RBFOX1: variants seen among roughly 807,000 people sequenced by gnomAD.
RBFOX1 encodes the protein RNA binding fox-1 homolog 1.
RBFOX1 carries 8 observed loss-of-function variants against 57.7 expected under a neutral mutation model. The observed-to-expected ratio is 0.14, with a 90% CI of 0.08 to 0.25. RBFOX1 has a LOEUF of 0.25. RBFOX1 is among the 10% of genes least tolerant of loss of function. The pLI is 1.00. For synonymous variants in RBFOX1, 326 were observed against 222.4 expected, an observed-to-expected ratio of 1.47 and a Z score of -4.15; for missense variants, 611 against 548.5, an observed-to-expected ratio of 1.11 and a Z score of -1.14.
chr16:7,029,079 TATACACACACACACACAC>T lies in RBFOX1; in HGVS notation c.-15-22976_-15-22959del, dbSNP rs1280568943. ...ATATATATATATATATATATATATA[TATACACACACACACACAC>T]ACACACACACACACACACACACACA... On this transcript the variant is annotated intron_variant, in intron 3 of 15. Coordinates refer to ENST00000550418, the MANE Select transcript of RBFOX1 (RefSeq NM_018723.4). Among the ~76,000 whole-genome samples the T allele has an allele frequency of 2.4e-4, 9 of 36,988 alleles. 2 individuals are homozygous for T. The African/African-American group carries it at 2.6e-3, about 11-fold the overall frequency. The allele number at this position is 36,988 out of a possible 152,430, so 24.3% of individuals were successfully genotyped here.
chr16:5,639,043 G>C (rs2048775964), intron 3 of RBFOX1, among the ~76,000 whole-genome samples: 1 of 152,280 alleles, frequency 6.6e-6, no homozygotes, highest in East Asian at 1.9e-4. Flanking sequence ...CTTTACTCTT[G>C]TCCTCTTCAC....
At chr16:6,767,849 G>C (rs2077558435) in intron 3 of RBFOX1, among the ~76,000 whole-genome samples, 2 of 151,532 alleles carry the variant, frequency 1.3e-5, no homozygotes, top group Admixed American at 1.3e-4. Context: ...GGGAGGTGGA[G>C]GTTGCAGTGA....
intron 3 of RBFOX1, among the ~76,000 whole-genome samples, chr16:6,791,713 C>T (rs567193034): frequency 6.6e-5 from 10 of 152,190 alleles, no homozygotes; most frequent in African/African-American, 1.2e-4. Context: ...GAGCAGAGAT[C>T]GTGCCACACT....
intron 3 of RBFOX1, among the ~76,000 whole-genome samples, chr16:5,733,599 C>T (rs1428068702): frequency 2.0e-5 from 3 of 152,148 alleles, no homozygotes; most frequent in Non-Finnish European, 4.4e-5. Context: ...TCAGCATGGT[C>T]ACCTAGTCCC....
At chr16:7,314,372 T>G (rs2096390584) in intron 4 of RBFOX1, among the ~76,000 whole-genome samples, 1 of 152,204 alleles carries the variant, frequency 6.6e-6, no homozygotes, top group Admixed American at 6.5e-5. Flanking sequence ...CCATGCTGTT[T>G]TGCTCAGTGC....
intron 1 of RBFOX1, among the ~76,000 whole-genome samples, chr16:5,278,013 A>G (rs1211689156): frequency 6.6e-6 from 1 of 152,126 alleles, no homozygotes; most frequent in African/African-American, 2.4e-5. Context: ...TTTTTTGGAT[A>G]TATACCCGGG....
At chr16:7,205,011 C>T (rs1476903814) in intron 4 of RBFOX1, among the ~76,000 whole-genome samples, 3 of 152,094 alleles carry the variant, frequency 2.0e-5, no homozygotes, top group Non-Finnish European at 4.4e-5. Flanking sequence ...CTCTCTTTTC[C>T]ATGTGTAACA....
At chr16:7,216,814 G>GT (rs959918277) in intron 4 of RBFOX1, among the ~76,000 whole-genome samples, 2 of 152,078 alleles carry the variant, frequency 1.3e-5, no homozygotes. Flanking sequence ...GGTAGTTACT[G>GT]TTTTTTCACA....
intron 4 of RBFOX1, among the ~76,000 whole-genome samples, chr16:7,058,785 T>A (rs751261621): frequency 6.6e-6 from 1 of 152,212 alleles, no homozygotes; most frequent in Non-Finnish European, 1.5e-5. Context: ...CAATACAAAG[T>A]TTCCTTGGCA....
At chr16:7,563,955 T>G (rs1375770580) in intron 5 of RBFOX1, among the ~76,000 whole-genome samples, 1 of 152,108 alleles carries the variant, frequency 6.6e-6, no homozygotes, top group African/African-American at 2.4e-5. Flanking sequence ...ATATTTTGAA[T>G]GATTGGATAA....
At chr16:7,482,946 A>G (rs1481694390) in intron 4 of RBFOX1, among the ~76,000 whole-genome samples, 1 of 152,118 alleles carries the variant, frequency 6.6e-6, no homozygotes, top group Non-Finnish European at 1.5e-5. Context: ...CTGGGTTGGA[A>G]AAGACCTTCA....
intron 3 of RBFOX1, among the ~76,000 whole-genome samples, chr16:6,776,335 C>G (rs1458956964): frequency 2.0e-5 from 3 of 152,016 alleles, no homozygotes; most frequent in East Asian, 1.9e-4. Flanking sequence ...GGTGTGAACC[C>G]AGGAGGGAGA....
At chr16:6,084,525 A>C (rs902331908) in intron 1 of RBFOX1, among the ~76,000 whole-genome samples, 2 of 152,184 alleles carry the variant, frequency 1.3e-5, no homozygotes, top group Admixed American at 1.3e-4. Flanking sequence ...ATTGCAGACA[A>C]AAACCACTGC....
At chr16:6,582,523 A>G (rs963200521) in intron 2 of RBFOX1, among the ~76,000 whole-genome samples, 3 of 149,842 alleles carry the variant, frequency 2.0e-5, no homozygotes, top group Non-Finnish European at 3.0e-5. Flanking sequence ...CTGCATGTGG[A>G]GTCAGGTGCA....
intron 3 of RBFOX1, among the ~76,000 whole-genome samples, chr16:7,028,384 T>A (rs2041612120): frequency 6.6e-6 from 1 of 152,038 alleles, no homozygotes. Context: ...TCTCTGATGC[T>A]TGATCATCTT....
At position 7,078,282 on chromosome 16, in the gene RBFOX1, A is replaced by G. The variant is rs1158187007; in HGVS notation, c.27+26184A>G. ...AGCTGGTTTAGAAACCACCTTAGGA[A>G]GTGACCTAACCCAGAAATGGTTTAT... is the stretch of plus-strand genomic sequence containing the variant. On this transcript the variant is annotated intron_variant, in intron 4 of 15. Coordinates refer to ENST00000550418, the MANE Select transcript of RBFOX1 (RefSeq NM_018723.4). Among the ~76,000 whole-genome samples the G allele has an allele frequency of 3.9e-5, 6 of 152,216 alleles. No homozygotes were observed. The East Asian group carries it at 1.2e-3, about 29-fold the overall frequency.
intron 3 of RBFOX1, among the ~76,000 whole-genome samples, chr16:5,655,826 C>G (rs934063478): frequency 6.6e-6 from 1 of 152,210 alleles, no homozygotes; most frequent in Non-Finnish European, 1.5e-5. Context: ...GTTGAAGCCT[C>G]CATTTGACTC....
intron 3 of RBFOX1, among the ~76,000 whole-genome samples, chr16:5,636,280 G>A (rs991015108): frequency 6.6e-6 from 1 of 152,194 alleles, no homozygotes; most frequent in African/African-American, 2.4e-5. Flanking sequence ...CCCGGGAGGT[G>A]GAAGTTGCAG....
intron 4 of RBFOX1, among the ~76,000 whole-genome samples, chr16:7,215,753 C>T (rs2091927381): frequency 7.5e-6 from 1 of 132,470 alleles, no homozygotes; most frequent in Non-Finnish European, 1.5e-5. Context: ...GAGACGGAGT[C>T]TTGCTCTGTT....
Sources: gnomAD v4.1 joint callset for allele counts (sites outside exome capture counted in the v4.1 genomes callset) on GRCh38, gnomAD v4.1.1 for gene constraint, MANE v1.5 for transcripts, NCBI Gene and HGNC (gene_info 2026-07-23, HGNC 2026-07-21) for gene names.